The following CDK5RAP3 variants were observed in gnomAD, a reference collection of about 807,000 sequenced individuals.
The protein encoded by CDK5RAP3 is CDK5 regulatory subunit associated protein 3, also known as CDK5 regulatory subunit-associated protein 3.
CDK5RAP3 carries 58 observed loss-of-function variants against 73.3 expected under a neutral mutation model. The ratio of observed to expected loss-of-function variants is 0.79; its 90% CI spans 0.64 to 0.98. The LOEUF (loss-of-function observed/expected upper bound fraction) is 0.98, where lower values mean the gene tolerates loss of function less well. Among genes scored for constraint, CDK5RAP3 ranks in the 50% least tolerant of loss-of-function variants. The pLI, the probability that CDK5RAP3 is intolerant of heterozygous loss-of-function variation, is 0.00. For synonymous variants in CDK5RAP3, 224 were observed against 247.5 expected (o/e 0.91, Z 0.89); for missense variants, 525 against 615.8 (o/e 0.85, Z 1.56).
intron 2 of CDK5RAP3, among the ~76,000 whole-genome samples, 199 bp downstream of exon 2, chr17:47,971,606 C>A (rs144250898): frequency 6.6e-6 from 1 of 152,216 alleles, no homozygotes; most frequent in Non-Finnish European, 1.5e-5. Context: ...TCTGTTTGAC[C>A]TGCGTTTTCT....
At chr17:47,973,461 G>A (rs1356455828) in intron 2 of CDK5RAP3, 58 bp from the exon 3 acceptor site, 8 of 1,589,976 alleles carry the variant, frequency 5.0e-6, no homozygotes, top group South Asian at 1.1e-5. Context: ...ACTCGAATTA[G>A]TGATGGAATT....
chr17:47,974,157 C>A, intron 4 of CDK5RAP3, 126 bp downstream of exon 4: 1 of 754,740 alleles, frequency 1.3e-6, no homozygotes, highest in East Asian at 2.6e-5. Context: ...AACTTTCACT[C>A]TGTCTCTATA....
At chr17:47,969,897 A>G (rs1401212183), upstream of CDK5RAP3, among the ~76,000 whole-genome samples, 4 of 152,192 alleles carry the variant, frequency 2.6e-5, no homozygotes, top group Non-Finnish European at 5.9e-5. Context: ...TCCCTGTCTC[A>G]GGTGGTGGTT....
At position 47,978,833 on chromosome 17, in the gene CDK5RAP3, A is replaced by AG; in HGVS notation, c.994dup (p.Glu332GlyfsTer14). 2 of 1,612,904 alleles carry AG rather than the reference A, an allele frequency of 1.2e-6. No individual in the cohort carries two copies. The highest frequency in any genetic ancestry group is 1.7e-6 in the Non-Finnish European group (2 of 1,179,012). ...TTCTCTGTCTCTTCCTGGCAGCTCCAGAAGGTGTTGCCAGGGGCCCAGATG... is the reference window on the plus strand; with the variant it reads ...TTCTCTGTCTCTTCCTGGCAGCTCCAGGAAGGTGTTGCCAGGGGCCCAGATG... On this transcript the variant is annotated frameshift_variant, in exon 11 of 14. Coordinates refer to ENST00000338399, the MANE Select transcript of CDK5RAP3 (RefSeq NM_176096.3). LOFTEE classifies it high-confidence loss of function.
At chr17:47,972,874 C>T (rs1191995425) in intron 2 of CDK5RAP3, among the ~76,000 whole-genome samples, 8 of 152,112 alleles carry the variant, frequency 5.3e-5, no homozygotes, top group African/African-American at 2.4e-5. Context: ...AACTTGATAA[C>T]GAGAACCCAG....
chr17:47,970,918 T>C, upstream of CDK5RAP3: 1 of 1,449,580 alleles, frequency 6.9e-7, no homozygotes, highest in Non-Finnish European at 9.0e-7. Context: ...CGTCTCCAAT[T>C]GGCTGTCTCC....
chr17:47,971,204 T>A, intron 1 of CDK5RAP3, 52 bp downstream of exon 1: 1 of 1,529,324 alleles, frequency 6.5e-7, no homozygotes, highest in East Asian at 2.5e-5. Flanking sequence ...ACCCCTAACC[T>A]GTGTCTCCGG....
chr17:47,975,771 G>C, intron 7 of CDK5RAP3, 98 bp from the exon 8 acceptor site: 1 of 1,592,552 alleles, frequency 6.3e-7, no homozygotes, highest in African/African-American at 1.3e-5. Flanking sequence ...ACCTGAACCT[G>C]TGGGGGCCTT....
intron 5 of CDK5RAP3, 109 bp downstream of exon 5, chr17:47,974,557 A>C: frequency 6.3e-7 from 1 of 1,575,512 alleles, no homozygotes; most frequent in Non-Finnish European, 8.6e-7. Flanking sequence ...AAGAGACTGG[A>C]GTGTAGATGT....
intron 9 of CDK5RAP3, 77 bp downstream of exon 9, chr17:47,976,899 G>A (rs2144231962): frequency 3.6e-6 from 3 of 844,512 alleles, no homozygotes; most frequent in Admixed American, 5.3e-5. Context: ...TGTCTGTAAC[G>A]GCATCACTTG....
chr17:47,978,373 GA>G (rs2036469294), intron 10 of CDK5RAP3, among the ~76,000 whole-genome samples: 1 of 151,968 alleles, frequency 6.6e-6, no homozygotes, highest in Non-Finnish European at 1.5e-5. Context: ...CCTGGCCCAA[GA>G]GAGGTTCTTA....
chr17:47,971,541 C>A, intron 2 of CDK5RAP3, 134 bp downstream of exon 2: 1 of 838,782 alleles, frequency 1.2e-6, no homozygotes, highest in Non-Finnish European at 1.8e-6. Flanking sequence ...TTCTATGCCC[C>A]ATCTGTGGCC....
chr17:47,973,906 C>G (rs747385541), intron 3 of CDK5RAP3, 25 bp from the exon 4 acceptor site: 1 of 1,576,048 alleles, frequency 6.3e-7, no homozygotes, highest in Non-Finnish European at 8.7e-7. Flanking sequence ...CTTTAGTTCT[C>G]GAAATCCCGT....
upstream of CDK5RAP3, among the ~76,000 whole-genome samples, chr17:47,968,942 C>T (rs550711086): frequency 5.9e-5 from 9 of 152,198 alleles, no homozygotes; most frequent in South Asian, 2.1e-4. Flanking sequence ...TGAGCCACCG[C>T]GCCTGGCCCA....
Position 47,975,262 on chromosome 17 carries a change from G to A in CDK5RAP3, c.438G>A (p.Lys146=). 6.2e-7 allele frequency: 1 copy of A among 1,614,166 alleles called. No homozygotes were observed. Among genetic ancestry groups the A allele is most frequent in the Non-Finnish European group, 8.5e-7 (1 of 1,180,026 alleles). Residue 146 remains lysine (K), a synonymous_variant, in exon 6 of 14, where the codon AAG becomes AAA. Transcript: ENST00000338399. ...AGCTGCAGCAAGAATACAGCCGCAA[G>A]GAGGAGGAGTGCCAGGCAGGGGCTG... ...CQQLQQEYSR[K]EEECQAGAAE...
In CDK5RAP3 at chr17:47,976,018, G is replaced by C; in HGVS notation, c.798+5G>C. ...GAGCAGGTGGCAGAAGATGCGGTAA[G>C]ATGGGCCTTGTGATGAGCTGTAGGA... On this transcript the variant is annotated splice_donor_5th_base_variant and intron_variant, in intron 8 of 13. Transcript: ENST00000338399. 1 of 1,613,718 alleles carries C rather than the reference G, an allele frequency of 6.2e-7. No homozygotes were observed. Among genetic ancestry groups the C allele is most frequent in the Non-Finnish European group, 8.5e-7 (1 of 1,179,960 alleles).
intron 2 of CDK5RAP3, 115 bp from the exon 3 acceptor site, chr17:47,973,404 C>A: frequency 8.0e-7 from 1 of 1,248,462 alleles, no homozygotes; most frequent in Non-Finnish European, 1.1e-6. Flanking sequence ...GACCCCCATA[C>A]TTTAACCAAT....
intron 10 of CDK5RAP3, 49 bp downstream of exon 10, chr17:47,977,959 GC>G: frequency 7.1e-7 from 1 of 1,410,908 alleles, no homozygotes; most frequent in Non-Finnish European, 1.0e-6. Flanking sequence ...GTGCTCAAGG[GC>G]CCCCACGTGT....
chr17:47,978,051 T>G, intron 10 of CDK5RAP3, 141 bp downstream of exon 10: 1 of 530,000 alleles, frequency 1.9e-6, no homozygotes, highest in Non-Finnish European at 3.3e-6. Context: ...GGATGTGAGC[T>G]GAGGGGGACC....
Sources: allele counts gnomAD v4.1 joint callset (sites outside exome capture counted in the v4.1 genomes callset), GRCh38; gene constraint gnomAD v4.1.1; transcripts MANE v1.5; gene names NCBI Gene and HGNC (gene_info 2026-07-23, HGNC 2026-07-21).